Variants in PTPRN2 observed in about 807,000 individuals in gnomAD.
PTPRN2 encodes the protein receptor-type tyrosine-protein phosphatase N2.
Under a neutral mutation model 118.8 loss-of-function variants are expected in PTPRN2, and 74 were observed. That is an observed-to-expected ratio of 0.62 (90% CI 0.52 to 0.76). The LOEUF is 0.76. PTPRN2 is among the 30% of genes least tolerant of loss of function. The pLI is 0.00. For missense variants in PTPRN2, 1,481 were observed against 1,394.4 expected, an observed-to-expected ratio of 1.06 and a Z score of -0.99; for synonymous variants, 641 against 608.0, an observed-to-expected ratio of 1.05 and a Z score of -0.80.
At chr7:158,133,619 G>A in intron 9 of PTPRN2, 58 bp downstream of exon 9, 2 of 1,508,580 alleles carry the variant, frequency 1.3e-6, no homozygotes, top group Non-Finnish European at 1.8e-6. Flanking sequence ...CCCACCTCCA[G>A]CCTGCTGGGA....
At chr7:158,193,506 C>G (rs956267712) in intron 4 of PTPRN2, among the ~76,000 whole-genome samples, 1 of 152,076 alleles carries the variant, frequency 6.6e-6, no homozygotes, top group Non-Finnish European at 1.5e-5. Context: ...TATGGGGAGC[C>G]CTGGTGGAGG....
chr7:157,992,869 T>A (rs1202200467), intron 11 of PTPRN2, among the ~76,000 whole-genome samples: 1 of 152,232 alleles, frequency 6.6e-6, no homozygotes, highest in Non-Finnish European at 1.5e-5. Context: ...GCATAGACAG[T>A]ATCTTCAGTT....
At chr7:157,649,054 C>A (rs1164712302) in intron 14 of PTPRN2, among the ~76,000 whole-genome samples, 2 of 107,020 alleles carry the variant, frequency 1.9e-5, no homozygotes, top group Non-Finnish European at 3.8e-5. Flanking sequence ...ACCCATCCAG[C>A]GTGCACTGAA....
intron 3 of PTPRN2, among the ~76,000 whole-genome samples, chr7:158,261,453 CGA>C (rs1157156253): frequency 7.2e-5 from 11 of 152,108 alleles, no homozygotes; most frequent in Non-Finnish European, 1.5e-5. Context: ...TCACAGGCAG[CGA>C]TGGGCCAAGG....
chr7:158,425,870 G>A (rs1161866693), intron 2 of PTPRN2, among the ~76,000 whole-genome samples: 18 of 134,836 alleles, frequency 1.3e-4, no homozygotes, highest in Non-Finnish European at 1.7e-4. Flanking sequence ...CGCGGGGTCC[G>A]AGTCCAGCCT....
chr7:158,468,150 G>C (rs1250193904), intron 2 of PTPRN2, among the ~76,000 whole-genome samples: 1 of 152,154 alleles, frequency 6.6e-6, no homozygotes, highest in Non-Finnish European at 1.5e-5. Flanking sequence ...AATTAGACTA[G>C]GGTTATTTAC....
intron 1 of PTPRN2, chr7:158,541,851 C>T: frequency 3.6e-6 from 2 of 560,640 alleles, no homozygotes; most frequent in Non-Finnish European, 4.5e-6. Flanking sequence ...GCGCATCACA[C>T]CTGCTTCCAA....
chr7:158,010,028 C>CT (rs1805927380), intron 11 of PTPRN2, among the ~76,000 whole-genome samples: 1 of 152,134 alleles, frequency 6.6e-6, no homozygotes, highest in African/African-American at 2.4e-5. Context: ...AGACCCTCCA[C>CT]CCTCACTTCC....
chr7:157,584,113 C>T (rs1800535070), intron 17 of PTPRN2, among the ~76,000 whole-genome samples: 1 of 152,178 alleles, frequency 6.6e-6, no homozygotes, highest in South Asian at 2.1e-4. Flanking sequence ...CCAGCCTGGG[C>T]AACATAGTGA....
intron 21 of PTPRN2, among the ~76,000 whole-genome samples, chr7:157,563,760 C>T (rs1207443759): frequency 3.3e-5 from 5 of 151,350 alleles, no homozygotes; most frequent in Admixed American, 3.3e-4. Context: ...CCACACACAG[C>T]AGATCAGGAC....
chr7:157,817,178 A>G (rs963378097), intron 12 of PTPRN2, among the ~76,000 whole-genome samples: 33 of 152,160 alleles, frequency 2.2e-4, no homozygotes, highest in Non-Finnish European at 1.0e-4. Flanking sequence ...TTTAAACCCA[A>G]ATCCTTTCAC....
intron 2 of PTPRN2, among the ~76,000 whole-genome samples, chr7:158,395,689 C>CGAGGCGA (rs1812385666): frequency 1.9e-5 from 1 of 51,352 alleles, no homozygotes; most frequent in Non-Finnish European, 3.9e-5. Flanking sequence ...GGGCGAGGCG[C>CGAGGCGA]GAGGGGCGAG....
chr7:157,840,279 CTG>C (rs1302082752), intron 12 of PTPRN2, among the ~76,000 whole-genome samples: 1 of 131,002 alleles, frequency 7.6e-6, no homozygotes, highest in Non-Finnish European at 1.6e-5. Context: ...CCGCGTGTGA[CTG>C]TGTGACCGTG....
At chr7:158,407,705 ATCCTGCG>A (rs1284551689) in intron 2 of PTPRN2, among the ~76,000 whole-genome samples, 1 of 82,088 alleles carries the variant, frequency 1.2e-5, no homozygotes, top group Non-Finnish European at 2.9e-5. Flanking sequence ...TGCGTCCTGC[ATCCTGCG>A]TCCTGGGTCC....
At chr7:158,060,423 C>T (rs1270890697) in intron 11 of PTPRN2, among the ~76,000 whole-genome samples, 1 of 152,236 alleles carries the variant, frequency 6.6e-6, no homozygotes, top group African/African-American at 2.4e-5. Flanking sequence ...CCTGCTTTCT[C>T]CCCAGCTCCC....
chr7:158,089,674 C>T lies in PTPRN2; in HGVS notation c.1644-8297G>A, dbSNP rs1470726469. Among the ~76,000 whole-genome samples the T allele has an allele frequency of 6.3e-5, 9 of 141,910 alleles. No individual in the cohort carries two copies. The South Asian group carries it at 2.0e-3, about 31-fold the overall frequency. The allele number at this position is 141,910 out of a possible 152,430, so 93.1% of individuals were successfully genotyped here. Reference sequence around the variant, plus strand: ...ATGAAAGGGGGAGTCTTCACACAAACCTTCTTCCCCTGATGAAAGAGGGGG... The same window carrying T: ...ATGAAAGGGGGAGTCTTCACACAAATCTTCTTCCCCTGATGAAAGAGGGGG... On this transcript the variant is annotated intron_variant, in intron 10 of 22. Transcript: ENST00000389418.
intron 2 of PTPRN2, among the ~76,000 whole-genome samples, chr7:158,402,718 C>T (rs1337355416): frequency 2.0e-5 from 3 of 152,332 alleles, no homozygotes; most frequent in South Asian, 2.1e-4. Flanking sequence ...GCCTGCTCTC[C>T]GGACCCTGCG....
At chr7:158,007,828 TGGG>T in intron 11 of PTPRN2, among the ~76,000 whole-genome samples, 1 of 143,088 alleles carries the variant, frequency 7.0e-6, no homozygotes, top group East Asian at 2.1e-4. Context: ...TATATACATG[TGGG>T]GGTGTGTGGG....
rs921922648 is a variant in PTPRN2 at position 158,563,107 on chromosome 7, G to A, written c.112+24451C>T. On this transcript the variant is annotated intron_variant, in intron 1 of 22. Coordinates refer to ENST00000389418, the MANE Select transcript of PTPRN2 (RefSeq NM_002847.5). The surrounding 1 kb of genome is among the most constrained non-coding windows in gnomAD (Gnocchi z 5.1). ...CATAGAGCCTCTCGAAGCCTTGCAC[G>A]GACAAAGAAGGTATCTGCTGGTGCA... 1.3e-5 allele frequency among the ~76,000 whole-genome samples: 2 copies of A among 152,106 alleles called. No homozygotes were observed. The highest frequency in any genetic ancestry group is 1.3e-4 in the Admixed American group (2 of 15,274).
Sources: allele counts gnomAD v4.1 joint callset (sites outside exome capture counted in the v4.1 genomes callset), GRCh38; gene constraint gnomAD v4.1.1; non-coding constraint Gnocchi (gnomAD v3.1); transcripts MANE v1.5; gene names NCBI Gene and HGNC (gene_info 2026-07-23, HGNC 2026-07-21).